The following DUSP4 variants were observed in gnomAD, a reference collection of about 807,000 sequenced individuals.
DUSP4 encodes the protein dual specificity protein phosphatase 4.
A neutral mutation model predicts 27.2 loss-of-function variants in DUSP4; 12 were observed. The observed-to-expected ratio is 0.44, with a 90% CI of 0.28 to 0.71. DUSP4 has a LOEUF of 0.71. Among genes scored for constraint, DUSP4 ranks in the 30% least tolerant of loss-of-function variants. The pLI is 0.14. For missense variants in DUSP4, 448 were observed against 551.3 expected (o/e 0.81, Z 1.88); for synonymous variants, 257 against 245.2 (o/e 1.05, Z -0.45).
chr8:29,337,406 C>T lies in DUSP4; in HGVS notation c.805G>A (p.Val269Met), dbSNP rs771017098. The T allele has an allele frequency of 2.9e-5, 46 of 1,602,438 alleles. No homozygotes were observed. In the East Asian group the frequency reaches 5.1e-4, roughly 18 times the overall value. Residue 269 changes from valine (V) to methionine (M), a missense_variant, in exon 4 of 4, where the codon GTG (valine) becomes ATG (methionine). Physicochemically the swap from Val to Met is conservative, Grantham distance 21. Around this residue, in one of 3 missense-constraint regions of DUSP4, gnomAD observed 345 missense variants for 394.0 expected, o/e 0.88. Transcript: ENST00000240100. This position sits in a 1 kb window ranked among gnomAD's most constrained non-coding sequence, Gnocchi z 6.4. ...FMEAIEYIDA[V>M]KDCRGRVLVH... Reference sequence around the variant, plus strand: ...AGCACGCGCCCACGGCAGTCCTTCACGGCATCTGGGGACAGGGTTCAATAG... The same window carrying T: ...AGCACGCGCCCACGGCAGTCCTTCATGGCATCTGGGGACAGGGTTCAATAG...
intron 1 of DUSP4, chr8:29,346,082 G>C: frequency 1.0e-6 from 1 of 985,476 alleles, no homozygotes; most frequent in South Asian, 4.7e-5. Flanking sequence ...GGGCTAGAGA[G>C]AGAAAAAACA....
At chr8:29,348,368 C>G (rs1817766005) in intron 1 of DUSP4, 1 of 985,572 alleles carries the variant, frequency 1.0e-6, no homozygotes, top group African/African-American at 1.7e-5. Flanking sequence ...GCTCAGCCGC[C>G]AGGCCTTCCG....
intron 3 of DUSP4, 46 bp downstream of exon 3, chr8:29,338,236 C>G: frequency 1.7e-5 from 25 of 1,481,200 alleles, no homozygotes; most frequent in Non-Finnish European, 1.7e-5. Flanking sequence ...CCTTATCCTT[C>G]CCACCCGCCC....
chr8:29,348,047 C>A, intron 1 of DUSP4: 1 of 985,604 alleles, frequency 1.0e-6, no homozygotes, highest in Non-Finnish European at 1.2e-6. Flanking sequence ...GCGGTCCCCT[C>A]GGGATTTCTT....
chr8:29,347,466 T>C (rs1288448698), intron 1 of DUSP4, among the ~76,000 whole-genome samples: 2 of 152,224 alleles, frequency 1.3e-5, no homozygotes, highest in Non-Finnish European at 2.9e-5. Flanking sequence ...CTCAACGATG[T>C]TCACCACAAC....
At chr8:29,345,777 A>G (rs1817723950) in intron 1 of DUSP4, 1 of 1,270,978 alleles carries the variant, frequency 7.9e-7, no homozygotes, top group African/African-American at 1.6e-5. Flanking sequence ...TTACACCTAC[A>G]TCTGTCTTTA....
At chr8:29,346,624 A>T (rs1244279877) in intron 1 of DUSP4, among the ~76,000 whole-genome samples, 3 of 152,206 alleles carry the variant, frequency 2.0e-5, no homozygotes, top group African/African-American at 2.4e-5. Context: ...AATGAGTTTT[A>T]AAAAAATTAC....
At chr8:29,338,717 G>A (rs1249381926) in intron 2 of DUSP4, among the ~76,000 whole-genome samples, 3 of 152,192 alleles carry the variant, frequency 2.0e-5, no homozygotes, top group Admixed American at 2.0e-4. Flanking sequence ...CTACTTGTGA[G>A]CAGAGAGGCC....
rs555034443 is a variant in DUSP4, at chr8:29,350,305, C to A, written c.-27G>T. 3.0e-5 allele frequency: 46 copies of A among 1,550,852 alleles called. No individual in the cohort carries two copies. In the South Asian group the frequency reaches 4.9e-4, roughly 17 times the overall value. ...GTCGCCGGGAACCGAGGCGGCTGGGCGCGCGAGGAAGAGAAGAGAACCCGG... is the reference window on the plus strand; with the variant it reads ...GTCGCCGGGAACCGAGGCGGCTGGGAGCGCGAGGAAGAGAAGAGAACCCGG... On this transcript the variant is annotated 5_prime_UTR_variant, in exon 1 of 4. Transcript: ENST00000240100.
At position 29,334,360 on chromosome 8, in the gene DUSP4, C is replaced by A. The variant is rs923190615; in HGVS notation, c.*2666G>T. On this transcript the variant is annotated 3_prime_UTR_variant, in exon 4 of 4. Coordinates refer to ENST00000240100, the MANE Select transcript of DUSP4 (RefSeq NM_001394.7). ...TGTAAGTCATCCAAAAGGCTTCTGA[C>A]GAAAGAACAATTTTTAAAAAGTCCC... 2 of 152,174 alleles carry A rather than the reference C, an allele frequency of 1.3e-5. No homozygotes were observed. The highest frequency in any genetic ancestry group is 2.9e-5 in the Non-Finnish European group (2 of 68,024). The allele number at this position is 152,174 out of a possible 1,614,324, so 9.4% of individuals were successfully genotyped here.
intron 1 of DUSP4, chr8:29,345,830 A>C: frequency 8.9e-7 from 1 of 1,120,616 alleles, no homozygotes; most frequent in Non-Finnish European, 1.1e-6. Context: ...AATGGTGTCT[A>C]ACATAGTGAG....
chr8:29,335,887 G>GA lies in DUSP4; in HGVS notation c.*1138dup, dbSNP rs1221285928. 1 of 152,138 alleles carries GA rather than the reference G, an allele frequency of 6.6e-6. No homozygotes were observed. Among genetic ancestry groups the GA allele is most frequent in the Non-Finnish European group, 1.5e-5 (1 of 68,022 alleles). 9.4% of individuals were successfully genotyped at this position (152,138 alleles called of 1,614,324 possible). ...GCAACCACCCAGTGATCATCGGAGG[G>GA]AAAAAAGCTTGACTTACTGTGGTCT... On this transcript the variant is annotated 3_prime_UTR_variant, in exon 4 of 4. Coordinates refer to ENST00000240100, the MANE Select transcript of DUSP4 (RefSeq NM_001394.7).
Position 29,348,808 on chromosome 8 carries a change from A to G in DUSP4, c.433+1038T>C, listed in dbSNP as rs1817777603. The G allele has an allele frequency of 3.0e-6, 3 of 984,952 alleles. No homozygotes were observed. The African/African-American group carries it at 5.2e-5, about 17-fold the overall frequency. The allele number at this position is 984,952 out of a possible 1,614,324, so 61.0% of individuals were successfully genotyped here. On this transcript the variant is annotated intron_variant, in intron 1 of 3. Coordinates refer to ENST00000240100, the MANE Select transcript of DUSP4 (RefSeq NM_001394.7). ...GGGTGTGGGGGGGTCTGAACTGCCTACCGGGCTCGGAAGCGCAGACCCTAC... is the reference window on the plus strand; with the variant it reads ...GGGTGTGGGGGGGTCTGAACTGCCTGCCGGGCTCGGAAGCGCAGACCCTAC...
chr8:29,340,273 G>A (rs938259300), intron 1 of DUSP4, 30 bp from the exon 2 acceptor site: 1 of 1,577,730 alleles, frequency 6.3e-7, no homozygotes, highest in Admixed American at 1.8e-5. Context: ...TCAGGTTAAT[G>A]GGGTCACTAA....
chr8:29,349,111 A>G lies in DUSP4; in HGVS notation c.433+735T>C, dbSNP rs147772945. Among the ~76,000 whole-genome samples, 566 of 152,240 alleles carry G rather than the reference A, an allele frequency of 3.7e-3. 2 individuals are homozygous for G. The highest frequency in any genetic ancestry group is 0.013 in the African/African-American group (549 of 41,560). ...ACGCGCCGCCATCAGATAGTCGAAAATCCGGGCTGAACAAAAGGTGATCAT... is the reference window on the plus strand; with the variant it reads ...ACGCGCCGCCATCAGATAGTCGAAAGTCCGGGCTGAACAAAAGGTGATCAT... On this transcript the variant is annotated intron_variant, in intron 1 of 3. Coordinates refer to ENST00000240100, the MANE Select transcript of DUSP4 (RefSeq NM_001394.7).
At position 29,336,933 on chromosome 8, in the gene DUSP4, C is replaced by T. The variant is rs973713019; in HGVS notation, c.*93G>A. The T allele has an allele frequency of 1.3e-5, 19 of 1,436,624 alleles. No homozygotes were observed. The African/African-American group carries it at 1.6e-4, about 12-fold the overall frequency. The allele number at this position is 1,436,624 out of a possible 1,614,324, so 89.0% of individuals were successfully genotyped here. ...GATGGGGAAGGAGCTCGGTCGCCTG[C>T]TCCCAGCTGCTCAGTCCCAACTTTC... On this transcript the variant is annotated 3_prime_UTR_variant, in exon 4 of 4. Coordinates refer to ENST00000240100, the MANE Select transcript of DUSP4 (RefSeq NM_001394.7).
intron 1 of DUSP4, chr8:29,345,506 G>C: frequency 1.3e-6 from 2 of 1,586,212 alleles, no homozygotes; most frequent in Non-Finnish European, 8.5e-7. Context: ...ACTGGCTTCC[G>C]TTGGAGTGAA....
chr8:29,341,542 T>C (rs1256546995), intron 1 of DUSP4, among the ~76,000 whole-genome samples: 1 of 152,174 alleles, frequency 6.6e-6, no homozygotes, highest in Non-Finnish European at 1.5e-5. Context: ...CCTCAGGATA[T>C]AAATGGATCT....
chr8:29,343,712 A>G, intron 1 of DUSP4, among the ~76,000 whole-genome samples: 1 of 152,206 alleles, frequency 6.6e-6, no homozygotes, highest in East Asian at 1.9e-4. Context: ...CATGACCCAC[A>G]TTTTTAAAAT....
Sources: gnomAD v4.1 joint callset for allele counts (sites outside exome capture counted in the v4.1 genomes callset) on GRCh38, gnomAD v4.1.1 for gene constraint, gnomAD v4.1.1 regional missense constraint, Gnocchi (gnomAD v3.1) non-coding constraint, MANE v1.5 for transcripts, NCBI Gene and HGNC (gene_info 2026-07-23, HGNC 2026-07-21) for gene names.